Variants in CLIP1 observed in about 807,000 individuals in gnomAD.
CLIP1 encodes CAP-Gly domain containing linker protein 1, also known as CAP-Gly domain-containing linker protein 1.
Under a neutral mutation model 161.6 loss-of-function variants are expected in CLIP1, and 66 were observed. That is an observed-to-expected ratio of 0.41 (90% confidence interval 0.33 to 0.50). The LOEUF is 0.50. Among genes scored for constraint, CLIP1 ranks in the 20% least tolerant of loss-of-function variants. The pLI is 0.27. For synonymous variants in CLIP1, 598 were observed against 626.2 expected, an observed-to-expected ratio of 0.96 and a Z score of 0.67; for missense variants, 1,376 against 1,702.0, an observed-to-expected ratio of 0.81 and a Z score of 3.37.
chr12:122,353,620 T>C (rs906594544), intron 7 of CLIP1, among the ~76,000 whole-genome samples: 5 of 151,476 alleles, frequency 3.3e-5, no homozygotes, highest in African/African-American at 4.8e-5. Context: ...TCTCAAAAGA[T>C]AATAAATAAT....
rs141405115 is a variant in CLIP1 at position 122,298,574 on chromosome 12, G to C, written c.3595-10033C>G. ...ATTATGCCATCGCACTCCAGCCTGG[G>C]TGACAGAGCAGCACTCTGTCTCAAA... On this transcript the variant is annotated intron_variant, in intron 20 of 25. Transcript: ENST00000620786. Among the ~76,000 whole-genome samples the C allele has an allele frequency of 6.3e-3, 918 of 145,004 alleles. 11 individuals carry two copies. The highest frequency in any genetic ancestry group is 0.022 in the African/African-American group (869 of 38,862).
chr12:122,379,194 G>C (rs1327625633), intron 2 of CLIP1, among the ~76,000 whole-genome samples: 1 of 151,928 alleles, frequency 6.6e-6, no homozygotes, highest in African/African-American at 2.4e-5. Flanking sequence ...ATTAATCCCA[G>C]CTACTCTGGA....
intron 7 of CLIP1, 24 bp downstream of exon 7, chr12:122,354,429 C>A: frequency 6.3e-7 from 1 of 1,589,648 alleles, no homozygotes; most frequent in Admixed American, 1.7e-5. Context: ...GCCACACTTG[C>A]ACCAGGAAAC....
chr12:122,400,294 T>C (rs1363419507), intron 1 of CLIP1: 1 of 152,144 alleles, frequency 6.6e-6, no homozygotes, highest in East Asian at 1.9e-4. Flanking sequence ...TCTTCAATTC[T>C]TGAGTAAAAC....
intron 5 of CLIP1, among the ~76,000 whole-genome samples, chr12:122,357,200 T>C (rs1347116055): frequency 6.6e-6 from 1 of 150,874 alleles, no homozygotes; most frequent in East Asian, 2.0e-4. Flanking sequence ...GAGGAGCGTC[T>C]CTGCCCGGCC....
At chr12:122,309,417 TAA>T (rs373439048) in intron 20 of CLIP1, among the ~76,000 whole-genome samples, 96 of 152,344 alleles carry the variant, frequency 6.3e-4, no homozygotes, top group African/African-American at 1.7e-3. Context: ...AAAAAAATCT[TAA>T]GAGAAAAATA....
chr12:122,280,775 C>CA (rs1337385204), intron 21 of CLIP1: 1 of 152,154 alleles, frequency 6.6e-6, no homozygotes, highest in Non-Finnish European at 1.5e-5. Context: ...AGGAAAATGA[C>CA]AAAAATACTT....
At chr12:122,403,134 T>C (rs1956196423) in intron 1 of CLIP1, among the ~76,000 whole-genome samples, 1 of 152,020 alleles carries the variant, frequency 6.6e-6, no homozygotes, top group Non-Finnish European at 1.5e-5. Context: ...CATTACAACA[T>C]GTATGTGAGG....
intron 1 of CLIP1, among the ~76,000 whole-genome samples, chr12:122,393,737 C>A (rs1955768766): frequency 6.6e-6 from 1 of 151,494 alleles, no homozygotes; most frequent in South Asian, 2.1e-4. Context: ...CAAGGTGAAA[C>A]CCCCATCTCT....
At chr12:122,325,550 C>T (rs749030725) in intron 17 of CLIP1, among the ~76,000 whole-genome samples, 18 of 151,772 alleles carry the variant, frequency 1.2e-4, no homozygotes, top group Non-Finnish European at 2.1e-4. Context: ...GGCGCGATCT[C>T]GGCTCACTGC....
intron 19 of CLIP1, among the ~76,000 whole-genome samples, chr12:122,316,013 A>T (rs1951253673): frequency 1.3e-5 from 2 of 151,952 alleles, no homozygotes; most frequent in African/African-American, 4.8e-5. Context: ...CCCTATAAAA[A>T]GAGTTTTGAG....
At position 122,323,942 on chromosome 12, in the gene CLIP1, T is replaced by C. The variant is rs113123882; in HGVS notation, c.3249+4005A>G. ...CTTCTCAGTCTTAGCAATCAAAGTA[T>C]CTTTGCTGAGCTGGAGCTCTTCAAT... is the stretch of plus-strand genomic sequence containing the variant. On this transcript the variant is annotated intron_variant, in intron 17 of 25. Coordinates refer to ENST00000620786, the MANE Select transcript of CLIP1 (RefSeq NM_001247997.2). This position sits in a 1 kb window ranked among gnomAD's most constrained non-coding sequence, Gnocchi z 4.1. 6.6e-6 allele frequency: 1 copy of C among 152,662 alleles called. No individual in the cohort carries two copies. Among genetic ancestry groups the C allele is most frequent in the African/African-American group, 2.4e-5 (1 of 41,456 alleles). The allele number at this position is 152,662 out of a possible 1,614,324, so 9.5% of individuals were successfully genotyped here.
intron 20 of CLIP1, among the ~76,000 whole-genome samples, chr12:122,303,503 T>C (rs1950763405): frequency 6.6e-6 from 1 of 152,094 alleles, no homozygotes; most frequent in Non-Finnish European, 1.5e-5. Flanking sequence ...TAGCCAGAGG[T>C]TTCTGGATAG....
intron 1 of CLIP1, among the ~76,000 whole-genome samples, chr12:122,419,914 G>A (rs1474018653): frequency 8.9e-5 from 10 of 112,934 alleles, no homozygotes; most frequent in African/African-American, 2.6e-4. Flanking sequence ...AGCGAGATGC[G>A]AGACTCTGTC....
At chr12:122,378,063 G>T in intron 2 of CLIP1, 103 bp from the exon 3 acceptor site, 1 of 979,040 alleles carries the variant, frequency 1.0e-6, no homozygotes, top group Non-Finnish European at 1.5e-6. Context: ...GAGTAGCCCA[G>T]AACTCTTAGA....
chr12:122,354,255 C>T (rs1330536007), intron 7 of CLIP1, among the ~76,000 whole-genome samples, 198 bp downstream of exon 7: 2 of 151,940 alleles, frequency 1.3e-5, no homozygotes, highest in Non-Finnish European at 2.9e-5. Context: ...ATTAGCCAGG[C>T]GTGGTGGCAC....
intron 7 of CLIP1, among the ~76,000 whole-genome samples, chr12:122,353,833 G>T (rs1200281015): frequency 1.3e-5 from 2 of 151,686 alleles, no homozygotes; most frequent in African/African-American, 4.8e-5. Flanking sequence ...GTTTCACCAT[G>T]TTGGTCACGT....
At chr12:122,351,729 A>G (rs1953046513) in intron 8 of CLIP1, among the ~76,000 whole-genome samples, 1 of 152,218 alleles carries the variant, frequency 6.6e-6, no homozygotes, top group Admixed American at 6.5e-5. Flanking sequence ...GGAAAATTTG[A>G]AAAACTGAAT....
chr12:122,375,675 A>T (rs926646095), intron 3 of CLIP1, among the ~76,000 whole-genome samples: 2 of 152,218 alleles, frequency 1.3e-5, no homozygotes, highest in African/African-American at 4.8e-5. Context: ...AAGCCATTTA[A>T]GGTAGCAGAA....
Sources: allele counts gnomAD v4.1 joint callset (sites outside exome capture counted in the v4.1 genomes callset), GRCh38; gene constraint gnomAD v4.1.1; non-coding constraint Gnocchi (gnomAD v3.1); transcripts MANE v1.5; gene names NCBI Gene and HGNC (gene_info 2026-07-23, HGNC 2026-07-21).